CSMD3: variants seen among roughly 807,000 people sequenced by gnomAD.
CSMD3 encodes CUB and Sushi multiple domains 3.
CSMD3 carries 177 observed loss-of-function variants against 435.2 expected under a neutral mutation model. The observed-to-expected ratio is 0.41, with a 90% CI of 0.36 to 0.46. The LOEUF is 0.46. CSMD3 is among the 20% of genes least tolerant of loss of function. The pLI is 0.34. For missense variants in CSMD3, 4,265 were observed against 4,504.6 expected (o/e 0.95, Z 1.52); for synonymous variants, 1,656 against 1,520.5 (o/e 1.09, Z -2.07).
In CSMD3 at chr8:112,717,647, G is replaced by C. The variant is rs182099627; in HGVS notation, c.1973-27597C>G. Among the ~76,000 whole-genome samples, 6 of 152,216 alleles carry C rather than the reference G, an allele frequency of 3.9e-5. No individual in the cohort carries two copies. In the East Asian group the frequency reaches 1.2e-3, roughly 29 times the overall value. On this transcript the variant is annotated intron_variant, in intron 13 of 70. Coordinates refer to ENST00000297405, the MANE Select transcript of CSMD3 (RefSeq NM_198123.2). ...TTGCAGCATTATTTACAATAGCAAA[G>C]ACGTGGAACCAACCCAAATGCCCAT...
chr8:112,808,724 A>G (rs570377358), intron 12 of CSMD3, among the ~76,000 whole-genome samples: 1 of 152,026 alleles, frequency 6.6e-6, no homozygotes, highest in Non-Finnish European at 1.5e-5. Flanking sequence ...TTACTTCTGT[A>G]AGATTGCTTC....
At chr8:113,318,500 C>T (rs987858497) in intron 1 of CSMD3, among the ~76,000 whole-genome samples, 8 of 152,038 alleles carry the variant, frequency 5.3e-5, no homozygotes, top group African/African-American at 1.9e-4. Flanking sequence ...AACTGTAGTC[C>T]TAATGTTGTA....
At chr8:112,530,451 A>G (rs896545361) in intron 27 of CSMD3, among the ~76,000 whole-genome samples, 3 of 152,192 alleles carry the variant, frequency 2.0e-5, no homozygotes, top group Admixed American at 2.0e-4. Flanking sequence ...GCTCCATAAG[A>G]GTAGCTATTT....
At chr8:112,273,223 A>G (rs1247447037) in intron 59 of CSMD3, among the ~76,000 whole-genome samples, 1 of 152,182 alleles carries the variant, frequency 6.6e-6, no homozygotes, top group Non-Finnish European at 1.5e-5. Flanking sequence ...ATTGGAAGAC[A>G]GCTGTAAATA....
intron 16 of CSMD3, among the ~76,000 whole-genome samples, chr8:112,677,923 T>C (rs1028181584): frequency 6.6e-6 from 1 of 152,152 alleles, no homozygotes; most frequent in African/African-American, 2.4e-5. Context: ...CACAATGGAT[T>C]GATTGTGGCT....
rs189147679 is a variant in CSMD3 at position 112,716,860 on chromosome 8, A to C, written c.1973-26810T>G. 1.9e-3 allele frequency among the ~76,000 whole-genome samples: 285 copies of C among 152,334 alleles called. 2 individuals are homozygous for C. In the Middle Eastern group the frequency reaches 0.034, roughly 18 times the overall value. On this transcript the variant is annotated intron_variant, in intron 13 of 70. Transcript: ENST00000297405. ...CTATTTAATAAATGGTGCTGGGAAA[A>C]CTGGCTAGCCATATGCAGAAAACTG...
At chr8:113,041,224 G>A (rs1354903448) in intron 5 of CSMD3, among the ~76,000 whole-genome samples, 1 of 131,718 alleles carries the variant, frequency 7.6e-6, no homozygotes, top group East Asian at 2.6e-4. Flanking sequence ...AAAAGGGGGG[G>A]GTGGGGGGGA....
intron 1 of CSMD3, among the ~76,000 whole-genome samples, chr8:113,345,634 C>T (rs1347405044): frequency 6.6e-6 from 1 of 151,926 alleles, no homozygotes; most frequent in Non-Finnish European, 1.5e-5. Context: ...TTACCATTTA[C>T]CTTATTTGTC....
In CSMD3 at chr8:112,573,595, G is replaced by A. The variant is rs202084967; in HGVS notation, c.3948C>T (p.Arg1316=). The change falls in exon 24 of 71, where the codon CGC becomes CGT. Residue 1316 remains arginine (R), a synonymous_variant. Transcript: ENST00000297405. ...LLGAFTGASM[R]GLTLSSTSNQ... is the part of the protein sequence containing the mutation. Reference sequence around the variant, plus strand: ...TTGAAGTACTACTAAGTGTCAGTCCGCGCATAGATGCACCAGTAAAAGCAC... The same window carrying A: ...TTGAAGTACTACTAAGTGTCAGTCCACGCATAGATGCACCAGTAAAAGCAC... 191 of 1,612,988 alleles carry A rather than the reference G, an allele frequency of 1.2e-4. No individual in the cohort carries two copies. Among genetic ancestry groups the A allele is most frequent in the East Asian group, 6.9e-4 (31 of 44,792 alleles).
intron 30 of CSMD3, among the ~76,000 whole-genome samples, chr8:112,496,519 G>A (rs1229675889): frequency 2.0e-5 from 3 of 152,042 alleles, no homozygotes; most frequent in African/African-American, 7.2e-5. Flanking sequence ...ATTTATTGTA[G>A]TACTATTCAG....
chr8:112,893,900 G>A (rs1236542232), intron 10 of CSMD3, among the ~76,000 whole-genome samples: 1 of 151,344 alleles, frequency 6.6e-6, no homozygotes, highest in African/African-American at 2.4e-5. Context: ...GAAAGGTCAA[G>A]GCCTGAAAAC....
intron 9 of CSMD3, among the ~76,000 whole-genome samples, chr8:112,945,950 G>A (rs1051826410): frequency 2.0e-5 from 3 of 151,618 alleles, no homozygotes; most frequent in Non-Finnish European, 4.4e-5. Context: ...TACCCACCTT[G>A]AGACATGTTT....
At chr8:113,328,727 CTTCTT>C (rs1395460648) in intron 1 of CSMD3, among the ~76,000 whole-genome samples, 35 of 87,316 alleles carry the variant, frequency 4.0e-4, no homozygotes, top group African/African-American at 1.8e-3. Flanking sequence ...TCTTTCCTTC[CTTCTT>C]TTCTTTTTTT....
chr8:113,109,623 G>C (rs1229768122), intron 4 of CSMD3, among the ~76,000 whole-genome samples: 2 of 152,118 alleles, frequency 1.3e-5, no homozygotes, highest in Non-Finnish European at 2.9e-5. Flanking sequence ...GGTTCCTAAG[G>C]CTTCAAGCAG....
intron 32 of CSMD3, among the ~76,000 whole-genome samples, chr8:112,411,663 T>C (rs139265070): frequency 1.1e-3 from 171 of 152,204 alleles, no homozygotes; most frequent in Admixed American, 4.0e-3. Flanking sequence ...TGATATATTA[T>C]AATAATGAAC....
chr8:112,422,159 A>G (rs1812587519), intron 32 of CSMD3, among the ~76,000 whole-genome samples: 2 of 152,280 alleles, frequency 1.3e-5, no homozygotes, highest in African/African-American at 2.4e-5. Flanking sequence ...CAATTAAGAC[A>G]CATGATAAAG....
intron 10 of CSMD3, among the ~76,000 whole-genome samples, chr8:112,888,328 G>A (rs1294992498): frequency 6.6e-6 from 1 of 151,602 alleles, no homozygotes; most frequent in Non-Finnish European, 1.5e-5. Context: ...AGGTTAAGTG[G>A]AGATTGATAG....
intron 1 of CSMD3, among the ~76,000 whole-genome samples, chr8:113,357,259 T>C (rs2094236984): frequency 6.6e-6 from 1 of 152,186 alleles, no homozygotes; most frequent in Non-Finnish European, 1.5e-5. Flanking sequence ...AAAACTTCTG[T>C]GAGCTGGTTG....
intron 1 of CSMD3, among the ~76,000 whole-genome samples, chr8:113,428,365 C>T (rs1288747137): frequency 6.6e-6 from 1 of 151,594 alleles, no homozygotes; most frequent in Admixed American, 6.6e-5. Context: ...GTAACTTAGT[C>T]ATTTACATTT....
Sources: gnomAD v4.1 joint callset for allele counts (sites outside exome capture counted in the v4.1 genomes callset) on GRCh38, gnomAD v4.1.1 for gene constraint, MANE v1.5 for transcripts, NCBI Gene and HGNC (gene_info 2026-07-23, HGNC 2026-07-21) for gene names.